DFFB: variants seen among roughly 807,000 people sequenced by gnomAD.
DFFB encodes the protein DNA fragmentation factor 40 kDa subunit.
A neutral mutation model predicts 32.7 loss-of-function variants in DFFB; 29 were observed. The observed-to-expected ratio is 0.89, with a 90% CI of 0.66 to 1.21. The LOEUF (loss-of-function observed/expected upper bound fraction) is 1.21, where lower values mean the gene tolerates loss of function less well. DFFB is among the 50% of genes most tolerant of loss of function. The pLI, the probability that DFFB is intolerant of heterozygous loss-of-function variation, is 0.00. For missense variants in DFFB, 398 were observed against 440.6 expected (o/e 0.90, Z 0.87); for synonymous variants, 170 against 177.1 (o/e 0.96, Z 0.32).
intron 6 of DFFB, among the ~76,000 whole-genome samples, chr1:3,882,574 A>G (rs1479681707): frequency 6.6e-6 from 1 of 152,116 alleles, no homozygotes; most frequent in African/African-American, 2.4e-5. Flanking sequence ...CATCTTGGCC[A>G]GGCTGGTGTT....
At chr1:3,869,864 C>T in intron 5 of DFFB, 89 bp downstream of exon 5, 9 of 1,366,998 alleles carry the variant, frequency 6.6e-6, no homozygotes, top group Non-Finnish European at 8.9e-6. Context: ...ACCTTCAGCC[C>T]TTGCCCTGCC....
intron 1 of DFFB, among the ~76,000 whole-genome samples, chr1:3,858,000 AGGTACTG>A (rs1644790014): frequency 6.6e-6 from 1 of 152,164 alleles, no homozygotes; most frequent in Non-Finnish European, 1.5e-5. Context: ...GTAGAGTGCC[AGGTACTG>A]GCACGCGGGG....
intron 2 of DFFB, among the ~76,000 whole-genome samples, chr1:3,859,995 T>C (rs1644848455): frequency 6.6e-6 from 1 of 152,208 alleles, no homozygotes; most frequent in Non-Finnish European, 1.5e-5. Context: ...TCTGTCTCTC[T>C]CTCTCTCTGT....
Position 3,877,188 on chromosome 1 carries a change from T to C in DFFB, c.782+4616T>C, listed in dbSNP as rs115424489. Among the ~76,000 whole-genome samples the C allele has an allele frequency of 6.0e-3, 906 of 152,092 alleles. 15 individuals carry two copies. Among genetic ancestry groups the C allele is most frequent in the African/African-American group, 0.021 (880 of 41,362 alleles). ...CCCTTTACTTCACTTTATTAACGTTTGCTTTTTTGTAAAATTTATTCCTAC... is the reference window on the plus strand; with the variant it reads ...CCCTTTACTTCACTTTATTAACGTTCGCTTTTTTGTAAAATTTATTCCTAC... On this transcript the variant is annotated intron_variant, in intron 6 of 6. Coordinates refer to ENST00000378209, the MANE Select transcript of DFFB (RefSeq NM_004402.4).
intron 3 of DFFB, chr1:3,866,351 G>A (rs1452259050): frequency 6.0e-6 from 2 of 331,048 alleles, no homozygotes; most frequent in Admixed American, 7.8e-5. Flanking sequence ...TGCCTCCCAG[G>A]TTAAAGCGAT....
At chr1:3,858,697 T>C (rs749809863) in intron 1 of DFFB, 21 bp from the exon 2 acceptor site, 1 of 1,611,788 alleles carries the variant, frequency 6.2e-7, no homozygotes, top group Middle Eastern at 1.7e-4. Flanking sequence ...CCTCCTCCTG[T>C]TGCTTCTCCC....
In DFFB at chr1:3,869,666, G is replaced by C; in HGVS notation, c.572G>C (p.Gly191Ala). The C allele has an allele frequency of 6.2e-7, 1 of 1,613,566 alleles. No homozygotes were observed. Among genetic ancestry groups the C allele is most frequent in the Non-Finnish European group, 8.5e-7 (1 of 1,179,872 alleles). The change falls in exon 5 of 7, where the codon GGC (glycine) becomes GCC (alanine). Residue 191 changes from glycine (G) to alanine (A), a missense_variant. Gly to Ala is a moderately conservative substitution (Grantham distance 60). Transcript: ENST00000378209. ...EAQEEFLRVL[G>A]SMCQRLRSMQ... ...CAGGAGGAATTCCTGCGGGTCCTCG[G>C]CTCCATGTGCCAGAGGCTCCGGTCC... is the stretch of plus-strand genomic sequence containing the variant.
intron 6 of DFFB, among the ~76,000 whole-genome samples, chr1:3,882,362 T>G (rs886177694): frequency 6.6e-6 from 1 of 151,854 alleles, no homozygotes; most frequent in African/African-American, 2.4e-5. Flanking sequence ...CCTCATGTAG[T>G]TTTTTGTTTT....
Position 3,857,502 on chromosome 1 carries a change from T to G in DFFB, c.-102T>G. On this transcript the variant is annotated 5_prime_UTR_variant, in exon 1 of 7. Transcript: ENST00000378209. ...CCCGGCCTGTGCCAGCTTGCAGAGCTCACCAGGTGCAGACCCCTGCGGCCA... is the reference window on the plus strand; with the variant it reads ...CCCGGCCTGTGCCAGCTTGCAGAGCGCACCAGGTGCAGACCCCTGCGGCCA... 2.6e-6 allele frequency: 2 copies of G among 761,030 alleles called. No individual in the cohort carries two copies. Among genetic ancestry groups the G allele is most frequent in the Non-Finnish European group, 4.0e-6 (2 of 504,770 alleles). The allele number at this position is 761,030 out of a possible 1,614,324, so 47.1% of individuals were successfully genotyped here.
At chr1:3,871,867 A>C (rs1645119227) in intron 5 of DFFB, among the ~76,000 whole-genome samples, 1 of 152,290 alleles carries the variant, frequency 6.6e-6, no homozygotes, top group South Asian at 2.1e-4. Context: ...GAGCAGGCAC[A>C]TCTCACGTGC....
Position 3,883,915 on chromosome 1 carries a change from G to GTT in DFFB, c.*174_*175insTT. The GTT allele has an allele frequency of 1.7e-6, 1 of 604,862 alleles. No individual in the cohort carries two copies. Among genetic ancestry groups the GTT allele is most frequent in the Non-Finnish European group, 2.9e-6 (1 of 345,380 alleles). The allele number at this position is 604,862 out of a possible 1,614,324, so 37.5% of individuals were successfully genotyped here. A position where few individuals can be genotyped will look rare whatever the true frequency, so the allele number is the denominator to read the frequency against. On this transcript the variant is annotated 3_prime_UTR_variant, in exon 7 of 7. Coordinates refer to ENST00000378209, the MANE Select transcript of DFFB (RefSeq NM_004402.4). ...TTTCATTACATTTCTGAATTGTTGG[G>GTT]GTTTTTTTTGTTGTTTTGTTTTGTT...
Position 3,869,732 on chromosome 1 carries a change from G to T in DFFB, c.638G>T (p.Gly213Val), listed in dbSNP as rs1333225664. Residue 213 changes from glycine to valine, a missense_variant, in exon 5 of 7, where the codon GGC (glycine) becomes GTC (valine). Gly to Val is a moderately radical substitution (Grantham distance 109, BLOSUM62 -3). Transcript: ENST00000378209. ...NGSYFDRGAK[G>V]GSRLCTPEGW... ...AGCTACTTCGACAGAGGAGCCAAGGGCGGCAGCCGCCTCTGCACACCGGAA... is the reference window on the plus strand; with the variant it reads ...AGCTACTTCGACAGAGGAGCCAAGGTCGGCAGCCGCCTCTGCACACCGGAA... 4 of 1,610,376 alleles carry T rather than the reference G, an allele frequency of 2.5e-6. No homozygotes were observed. The Admixed American group carries it at 6.7e-5, about 27-fold the overall frequency.
intron 6 of DFFB, among the ~76,000 whole-genome samples, chr1:3,872,832 C>T (rs1484580200): frequency 2.0e-5 from 3 of 152,242 alleles, no homozygotes; most frequent in Non-Finnish European, 2.9e-5. Context: ...CCCTCCTGTC[C>T]CCTCCAGTCC....
rs748169697 is a variant in DFFB, at chr1:3,869,624, C to T, written c.530C>T (p.Thr177Met). The T allele has an allele frequency of 6.7e-5, 108 of 1,612,172 alleles. No individual in the cohort carries two copies. Among genetic ancestry groups the T allele is most frequent in the Middle Eastern group, 5.1e-4 (3 of 5,934 alleles). Residue 177 changes from threonine (T) to methionine (M), a missense_variant, in exon 5 of 7, where the codon ACG (threonine) becomes ATG (methionine). By Grantham distance (81) the Thr-to-Met change is moderately conservative. Transcript: ENST00000378209. ...YLREVSSYPS[T>M]VGAEAQEEFL... ...CTCCAGGTGAGCTCCTACCCCTCCA[C>T]GGTGGGTGCGGAGGCTCAGGAGGAA... is the stretch of plus-strand genomic sequence containing the variant.
intron 2 of DFFB, among the ~76,000 whole-genome samples, chr1:3,859,458 A>G (rs9786959): frequency 0.32 from 49,417 of 152,068 alleles, 9,554 homozygotes; most frequent in Admixed American, 0.44. Flanking sequence ...CCACTGGGGC[A>G]GGAGATGCCA....
chr1:3,879,814 G>T (rs990316664), intron 6 of DFFB, among the ~76,000 whole-genome samples: 2 of 152,166 alleles, frequency 1.3e-5, no homozygotes, highest in Non-Finnish European at 2.9e-5. Flanking sequence ...GAGCCCAAAA[G>T]AAGTGCTTTT....
intron 4 of DFFB, 33 bp downstream of exon 4, chr1:3,868,086 G>A (rs200707180): frequency 1.6e-4 from 264 of 1,607,222 alleles, no homozygotes; most frequent in African/African-American, 4.9e-4. Flanking sequence ...TATGCTGGGC[G>A]GGTTTTTGAA....
chr1:3,885,093 C>A lies in DFFB; in HGVS notation c.*1352C>A, dbSNP rs900334725. On this transcript the variant is annotated 3_prime_UTR_variant, in exon 7 of 7. Coordinates refer to ENST00000378209, the MANE Select transcript of DFFB (RefSeq NM_004402.4). ...TGTAGAAACTGGAAGCTGTTCAGGG[C>A]ATCGGCAGCTGAACCCTGCTCCGTT... is the stretch of plus-strand genomic sequence containing the variant. The A allele has an allele frequency of 6.6e-6, 1 of 152,196 alleles. No individual in the cohort carries two copies. The highest frequency in any genetic ancestry group is 2.1e-4 in the South Asian group (1 of 4,832). 9.4% of individuals were successfully genotyped at this position (152,196 alleles called of 1,614,324 possible). A position where few individuals can be genotyped will look rare whatever the true frequency, so the allele number is the denominator to read the frequency against.
chr1:3,872,611 G>T, intron 6 of DFFB, 39 bp downstream of exon 6: 3 of 1,047,116 alleles, frequency 2.9e-6, no homozygotes, highest in Non-Finnish European at 4.0e-6. Flanking sequence ...ACGAGTGCCT[G>T]CAGGGCCCTG....
Sources: allele counts gnomAD v4.1 joint callset (sites outside exome capture counted in the v4.1 genomes callset), GRCh38; gene constraint gnomAD v4.1.1; transcripts MANE v1.5; gene names NCBI Gene and HGNC (gene_info 2026-07-23, HGNC 2026-07-21).